Variants in INTS3 observed in about 807,000 individuals in gnomAD.
The protein encoded by INTS3 is integrator complex subunit 3, also known as SOSS complex subunit A.
A neutral mutation model predicts 146.3 loss-of-function variants in INTS3; 34 were observed. The observed-to-expected ratio is 0.23, with a 90% CI of 0.18 to 0.31. The LOEUF is 0.31. INTS3 is among the 10% of genes least tolerant of loss of function. The probability of loss-of-function intolerance (pLI) is 1.00; values close to 1 mark genes in which losing one functional copy is unlikely to be tolerated. For missense variants in INTS3, 757 were observed against 1,304.2 expected (o/e 0.58, Z 6.46); for synonymous variants, 475 against 494.9 (o/e 0.96, Z 0.53).
Position 153,746,971 on chromosome 1 carries a change from A to G in INTS3, c.333A>G (p.Leu111=). ...PAQAQKCYRD[L]ALVSRDGMNI... is the part of the protein sequence containing the mutation. ...ACTTCTCACAGTGTTACCGGGACTT[A>G]GCTCTGGTGAGTCGTGATGGCATGA... is the stretch of plus-strand genomic sequence containing the variant. Residue 111 remains leucine (L), a synonymous_variant, in exon 4 of 30, where the codon TTA becomes TTG. Transcript: ENST00000318967. The G allele has an allele frequency of 6.2e-7, 1 of 1,612,884 alleles. No homozygotes were observed. Among genetic ancestry groups the G allele is most frequent in the East Asian group, 2.2e-5 (1 of 44,872 alleles).
chr1:153,733,729 C>T (rs1557986379), intron 1 of INTS3, among the ~76,000 whole-genome samples: 2 of 151,810 alleles, frequency 1.3e-5, no homozygotes, highest in East Asian at 1.9e-4. Flanking sequence ...CTCAGCCTCC[C>T]GAGTAGCTGG....
At position 153,762,724 on chromosome 1, in the gene INTS3, C is replaced by T. The variant is rs376186587; in HGVS notation, c.1517-4C>T. The T allele has an allele frequency of 2.9e-5, 46 of 1,613,606 alleles. No homozygotes were observed. In the African/African-American group the frequency reaches 5.7e-4, roughly 20 times the overall value. Reference sequence around the variant, plus strand: ...TAAATGCCTTATCTTTTTTTACTCCCAAGTCAAAATTGAGGAGCCAGTTTC... The same window carrying T: ...TAAATGCCTTATCTTTTTTTACTCCTAAGTCAAAATTGAGGAGCCAGTTTC... On this transcript the variant is annotated splice_region_variant and splice_polypyrimidine_tract_variant and intron_variant, in intron 14 of 29. Coordinates refer to ENST00000318967, the MANE Select transcript of INTS3 (RefSeq NM_023015.5).
chr1:153,771,884 A>T lies in INTS3; in HGVS notation c.2641A>T (p.Met881Leu). The T allele has an allele frequency of 6.2e-7, 1 of 1,614,158 alleles. No individual in the cohort carries two copies. The highest frequency in any genetic ancestry group is 8.5e-7 in the Non-Finnish European group (1 of 1,180,022). Residue 881 changes from methionine (M) to leucine (L), a missense_variant, in exon 26 of 30, where the codon ATG (methionine) becomes TTG (leucine). By Grantham distance (15) the Met-to-Leu change is conservative. Coordinates refer to ENST00000318967, the MANE Select transcript of INTS3 (RefSeq NM_023015.5). The part of the protein sequence containing the change: ...FTTSILRHWC[M>L]KHDELLAEHI... ...CACCAGCATCCTGCGGCACTGGTGC[A>T]TGAAACATGACGAGCTGCTGGCCGA...
At chr1:153,733,480 GGA>G (rs1671168582) in intron 1 of INTS3, among the ~76,000 whole-genome samples, 1 of 151,728 alleles carries the variant, frequency 6.6e-6, no homozygotes, top group Non-Finnish European at 1.5e-5. Context: ...CAAAGTGCTG[GGA>G]TTACAGGCGT....
chr1:153,742,478 C>CTGTGTGTGTGTGTGTG (rs35008806), intron 3 of INTS3, among the ~76,000 whole-genome samples: 2,512 of 147,498 alleles, frequency 0.017, 46 homozygotes, highest in Middle Eastern at 0.038. Flanking sequence ...TTTTTAATCT[C>CTGTGTGTGTGTGTGTG]TGTGTGTGTG....
In INTS3 at chr1:153,748,695, A is replaced by G. The variant is rs1280233152; in HGVS notation, c.524A>G (p.Asp175Gly). 1.9e-6 allele frequency: 3 copies of G among 1,613,726 alleles called. No individual in the cohort carries two copies. Among genetic ancestry groups the G allele is most frequent in the Non-Finnish European group, 2.5e-6 (3 of 1,179,764 alleles). ...TTTCCCCTTTTGAAATCAGGTGGAG[A>G]TGTTACAGCCAAAAATATCTGGTTG... The part of the protein sequence containing the change: ...MTFMKQIAGG[D>G]VTAKNIWLAE... The change falls in exon 6 of 30, where the codon GAT (aspartate) becomes GGT (glycine). Residue 175 changes from aspartate to glycine, a missense_variant. Asp to Gly is a moderately conservative substitution (Grantham distance 94). Around this residue, in one of 8 missense-constraint regions of INTS3, gnomAD observed 134 missense variants for 243.1 expected, o/e 0.55. Coordinates refer to ENST00000318967, the MANE Select transcript of INTS3 (RefSeq NM_023015.5).
At position 153,761,610 on chromosome 1, in the gene INTS3, G is replaced by A; in HGVS notation, c.1450G>A (p.Glu484Lys). 1 of 1,614,204 alleles carries A rather than the reference G, an allele frequency of 6.2e-7. No homozygotes were observed. The highest frequency in any genetic ancestry group is 8.5e-7 in the Non-Finnish European group (1 of 1,180,026). ...GTTTGACAACCCTAAGTTGGATAAG[G>A]AGCTGCGGGCAATGCTGAGAGAGAA... ...PLFDNPKLDK[E>K]LRAMLREKFP... Residue 484 changes from glutamate (E) to lysine (K), a missense_variant, in exon 14 of 30, where the codon GAG becomes AAG. Glu to Lys is a moderately conservative substitution (Grantham distance 56, BLOSUM62 1). Transcript: ENST00000318967.
intron 3 of INTS3, among the ~76,000 whole-genome samples, chr1:153,742,507 T>C (rs866108347): frequency 5.7e-4 from 83 of 144,952 alleles, no homozygotes; most frequent in Admixed American, 1.8e-3. Context: ...TGTGTGTGTG[T>C]GCGTGCGCAT....
chr1:153,764,335 T>G, intron 18 of INTS3, 114 bp downstream of exon 18: 1 of 725,482 alleles, frequency 1.4e-6, no homozygotes, highest in Non-Finnish European at 2.5e-6. Context: ...ACTTGGTGTT[T>G]TTATTCTCAC....
chr1:153,765,060 C>A lies in INTS3; in HGVS notation c.2087C>A (p.Ala696Asp). 1 of 1,614,106 alleles carries A rather than the reference C, an allele frequency of 6.2e-7. No homozygotes were observed. Among genetic ancestry groups the A allele is most frequent in the Non-Finnish European group, 8.5e-7 (1 of 1,179,972 alleles). Reference sequence around the variant, plus strand: ...TACCACCTGCTCTACTACCTGAGGGCCAGGTGGGTATGGTCCCCATGTTTC... The same window carrying A: ...TACCACCTGCTCTACTACCTGAGGGACAGGTGGGTATGGTCCCCATGTTTC... ...IGYHLLYYLR[A>D]SKAAAGKMNL... The change falls in exon 20 of 30, where the codon GCC becomes GAC. Residue 696 changes from alanine to aspartate, a missense_variant. Ala to Asp is a moderately radical substitution (Grantham distance 126). Coordinates refer to ENST00000318967, the MANE Select transcript of INTS3 (RefSeq NM_023015.5).
chr1:153,747,113 G>C, intron 4 of INTS3, 43 bp downstream of exon 4: 1 of 1,413,252 alleles, frequency 7.1e-7, no homozygotes, highest in Non-Finnish European at 1.0e-6. Context: ...CAAAGAGAGA[G>C]GATGGATCTT....
chr1:153,744,082 T>TGTGTGTGTGTGTGTGTG (rs1671640360), intron 3 of INTS3, among the ~76,000 whole-genome samples: 1 of 141,230 alleles, frequency 7.1e-6, no homozygotes, highest in African/African-American at 2.6e-5. Context: ...TGTGTGTGTG[T>TGTGTGTGTGTGTGTGTG]TTCATCTGCT....
intron 3 of INTS3, among the ~76,000 whole-genome samples, chr1:153,744,818 TAG>T (rs1222428262): frequency 6.6e-6 from 1 of 152,038 alleles, no homozygotes; most frequent in Non-Finnish European, 1.5e-5. Context: ...AGGAGAAAGG[TAG>T]AGTCTCAAAA....
Position 153,728,390 on chromosome 1 carries a change from T to A in INTS3, c.-245T>A, listed in dbSNP as rs540155188. ...ACACAGGCCTTTACCCCACTGTACT[T>A]CGGAGCCAACGCCTTTCCCTCAGCA... On this transcript the variant is annotated 5_prime_UTR_variant, in exon 1 of 30. Transcript: ENST00000318967. 3.3e-5 allele frequency: 16 copies of A among 490,804 alleles called. No homozygotes were observed. The highest frequency in any genetic ancestry group is 4.6e-5 in the Non-Finnish European group (13 of 280,510). 30.4% of individuals were successfully genotyped at this position (490,804 alleles called of 1,614,324 possible). A position where few individuals can be genotyped will look rare whatever the true frequency, so the allele number is the denominator to read the frequency against.
intron 3 of INTS3, among the ~76,000 whole-genome samples, chr1:153,744,598 TG>T (rs1671656099): frequency 6.6e-6 from 1 of 152,200 alleles, no homozygotes; most frequent in South Asian, 2.1e-4. Context: ...TCTCTCACTG[TG>T]GGTATTTTCA....
chr1:153,750,227 C>T (rs1013535157), intron 6 of INTS3, among the ~76,000 whole-genome samples: 1 of 152,198 alleles, frequency 6.6e-6, no homozygotes, highest in African/African-American at 2.4e-5. Context: ...CCCTGCCTTC[C>T]AACAGGGGGG....
intron 21 of INTS3, 54 bp from the exon 22 acceptor site, chr1:153,768,839 G>A: frequency 1.5e-6 from 2 of 1,378,392 alleles, no homozygotes; most frequent in Non-Finnish European, 2.1e-6. Flanking sequence ...GTGGGCTATG[G>A]GATAAAAGCT....
chr1:153,761,520 TA>T (rs758170916), intron 13 of INTS3, 49 bp from the exon 14 acceptor site: 1 of 1,354,976 alleles, frequency 7.4e-7, no homozygotes. Context: ...CAAAAAAAAA[TA>T]AAAATAAGAG....
chr1:153,758,479 A>G (rs1413895508), intron 10 of INTS3, among the ~76,000 whole-genome samples: 5 of 152,182 alleles, frequency 3.3e-5, no homozygotes, highest in Non-Finnish European at 4.4e-5. Context: ...ATTGTCCCCT[A>G]TGGGAATCAG....
Sources: allele counts gnomAD v4.1 joint callset (sites outside exome capture counted in the v4.1 genomes callset), GRCh38; gene constraint gnomAD v4.1.1; regional missense constraint gnomAD v4.1.1; transcripts MANE v1.5; gene names NCBI Gene and HGNC (gene_info 2026-07-23, HGNC 2026-07-21).